IGFN1: variants seen among roughly 807,000 people sequenced by gnomAD.
The protein encoded by IGFN1 is immunoglobulin-like and fibronectin type III domain-containing protein 1.
In IGFN1, 253 loss-of-function variants were observed where a neutral mutation model predicts 289.5. The observed-to-expected ratio is 0.87, with a 90% CI of 0.79 to 0.97. The LOEUF (loss-of-function observed/expected upper bound fraction) is 0.97, where lower values mean the gene tolerates loss of function less well. IGFN1 is among the 50% of genes least tolerant of loss of function. The pLI, the probability that IGFN1 is intolerant of heterozygous loss-of-function variation, is 0.00. For missense variants in IGFN1, 4,470 were observed against 4,686.1 expected, an observed-to-expected ratio of 0.95 and a Z score of 1.35; for synonymous variants, 1,706 against 1,788.5, an observed-to-expected ratio of 0.95 and a Z score of 1.16.
chr1:201,201,033 GTGTTAGCCAGGATGATC>G (rs1667129228), intron 8 of IGFN1, among the ~76,000 whole-genome samples: 1 of 151,892 alleles, frequency 6.6e-6, no homozygotes, highest in Non-Finnish European at 1.5e-5. Flanking sequence ...GGGTTTCACC[GTGTTAGCCAGGATGATC>G]TCGATCTCCT....
At position 201,216,707 on chromosome 1, in the gene IGFN1, G is replaced by T. The variant is rs1266726582; in HGVS notation, c.9549G>T (p.Gly3183=). ...GAGTGCGGGCTGTGACCTCAGAGGG[G>T]GCTGGCGAGGCCCTGGAGTCTGAGG... ...TFRVRAVTSE[G]AGEALESEEI... The change falls in exon 16 of 24, where the codon GGG becomes GGT. Residue 3183 remains glycine (G), a synonymous_variant. Coordinates refer to ENST00000335211, the MANE Select transcript of IGFN1 (RefSeq NM_001164586.2). 1 of 1,613,568 alleles carries T rather than the reference G, an allele frequency of 6.2e-7. No homozygotes were observed. Among genetic ancestry groups the T allele is most frequent in the Admixed American group, 1.7e-5 (1 of 59,984 alleles).
In IGFN1 at chr1:201,215,731, C is replaced by T. The variant is rs775538055; in HGVS notation, c.9188C>T (p.Thr3063Met). 36 of 1,611,444 alleles carry T rather than the reference C, an allele frequency of 2.2e-5. No individual in the cohort carries two copies. The highest frequency in any genetic ancestry group is 1.6e-4 in the Middle Eastern group (1 of 6,070). Reference sequence around the variant, plus strand: ...CAGGTGGACCTGGGGGATGGCTACACGCGGCTGTGCCTCCCCAGCGCAGGC... The same window carrying T: ...CAGGTGGACCTGGGGGATGGCTACATGCGGCTGTGCCTCCCCAGCGCAGGC... ...EAQVDLGDGY[T>M]RLCLPSAGRK... The change falls in exon 15 of 24, where the codon ACG (threonine) becomes ATG (methionine). Residue 3063 changes from threonine to methionine, a missense_variant. Coordinates refer to ENST00000335211, the MANE Select transcript of IGFN1 (RefSeq NM_001164586.2).
At position 201,209,056 on chromosome 1, in the gene IGFN1, T is replaced by TG; in HGVS notation, c.4166dup (p.Ala1390CysfsTer18). On this transcript the variant is annotated frameshift_variant, in exon 12 of 24. Coordinates refer to ENST00000335211, the MANE Select transcript of IGFN1 (RefSeq NM_001164586.2). LOFTEE classifies it high-confidence loss of function. ...AAAGATTTGGGGGTTCCTGAGGGAA[T>TG]GGGTGCAGGTTACAGGGCTGGTTTA... The TG allele has an allele frequency of 6.5e-7, 1 of 1,535,452 alleles. No homozygotes were observed. The highest frequency in any genetic ancestry group is 2.5e-5 in the East Asian group (1 of 40,768).
Position 201,215,830 on chromosome 1 carries a change from A to C in IGFN1, c.9287A>C (p.Gln3096Pro). The stretch of plus-strand genomic sequence containing the variant: ...TCTGTGCAGGCCGAGCTCACTCTGC[A>C]AGTCATAGGTACCAGCCCTGTCTTC... Reference protein sequence around the residue: ...GGSVQAELTLQVIDKPDPPQG... With the variant: ...GGSVQAELTLPVIDKPDPPQG... The change falls in exon 15 of 24, where the codon CAA (glutamine) becomes CCA (proline). Residue 3096 changes from glutamine to proline, a missense_variant. Gln to Pro is a moderately conservative substitution (Grantham distance 76). This residue lies in a region of IGFN1 where 2,218 missense variants were observed against 2,114.1 expected (regional missense o/e 1.05). Coordinates refer to ENST00000335211, the MANE Select transcript of IGFN1 (RefSeq NM_001164586.2). The C allele has an allele frequency of 6.2e-7, 1 of 1,600,436 alleles. No individual in the cohort carries two copies.
chr1:201,206,507 A>G lies in IGFN1; in HGVS notation c.1614A>G (p.Lys538=), dbSNP rs1402481264. The G allele has an allele frequency of 3.9e-6, 6 of 1,551,324 alleles. No homozygotes were observed. Among genetic ancestry groups the G allele is most frequent in the Non-Finnish European group, 5.2e-6 (6 of 1,146,982 alleles). ...SSESGLGLPE[K]QQQDRGRDSN... ...AATCAGGGTTGGGCCTCCCAGAAAA[A>G]CAACAGCAAGATCGTGGCAGAGACA... Residue 538 remains lysine, a synonymous_variant, in exon 12 of 24, where the codon AAA becomes AAG. Transcript: ENST00000335211.
In IGFN1 at chr1:201,205,344, G is replaced by A; in HGVS notation, c.1179G>A (p.Leu393=). 1.3e-6 allele frequency: 2 copies of A among 1,533,164 alleles called. No individual in the cohort carries two copies. Among genetic ancestry groups the A allele is most frequent in the Non-Finnish European group, 1.8e-6 (2 of 1,134,794 alleles). 95.0% of individuals were successfully genotyped at this position (1,533,164 alleles called of 1,614,324 possible). Residue 393 remains leucine, a synonymous_variant, in exon 11 of 24, where the codon CTG becomes CTA. Transcript: ENST00000335211. ...GGCTCTACACTTCCAGCGCCTGGCTGGTGGTTGAAGGTGAGTGCTTCAAAA... is the reference window on the plus strand; with the variant it reads ...GGCTCTACACTTCCAGCGCCTGGCTAGTGGTTGAAGGTGAGTGCTTCAAAA... The part of the protein sequence containing the change: ...GTGLYTSSAW[L]VVEAGKDKDL...
rs1198704141 is a variant in IGFN1 at position 201,213,237 on chromosome 1, G to C, written c.8344G>C (p.Glu2782Gln). Reference sequence around the variant, plus strand: ...GTCCCTCGGGGAGCAGGGGTCCCTGGAGGCTGAGAATGGTGAGGTCCAGGG... The same window carrying C: ...GTCCCTCGGGGAGCAGGGGTCCCTGCAGGCTGAGAATGGTGAGGTCCAGGG... The part of the protein sequence containing the change: ...KRSLGEQGSL[E>Q]AENGEVQGPG... Residue 2782 changes from glutamate to glutamine, a missense_variant, in exon 12 of 24, where the codon GAG (glutamate) becomes CAG (glutamine). Transcript: ENST00000335211. 1.9e-6 allele frequency: 3 copies of C among 1,551,826 alleles called. No individual in the cohort carries two copies. The highest frequency in any genetic ancestry group is 1.7e-6 in the Non-Finnish European group (2 of 1,147,022).
At position 201,208,249 on chromosome 1, in the gene IGFN1, G is replaced by T; in HGVS notation, c.3356G>T (p.Gly1119Val). 1 of 1,536,282 alleles carries T rather than the reference G, an allele frequency of 6.5e-7. No homozygotes were observed. The highest frequency in any genetic ancestry group is 8.7e-7 in the Non-Finnish European group (1 of 1,146,748). The change falls in exon 12 of 24, where the codon GGT (glycine) becomes GTT (valine). Residue 1119 changes from glycine (G) to valine (V), a missense_variant. This residue lies in a region of IGFN1 where 2,011 missense variants were observed against 1,953.4 expected (regional missense o/e 1.03). Transcript: ENST00000335211. ...PESSGRIRPW[G>V]QTGNYGGFRA... ...AGCTCTGGAAGAATAAGGCCTTGGG[G>T]TCAGACTGGAAATTATGGGGGCTTC...
Position 201,222,803 on chromosome 1 carries a change from A to T in IGFN1, c.10266A>T (p.Thr3422=), listed in dbSNP as rs1356166293. The stretch of plus-strand genomic sequence containing the variant: ...TGCTGACAGTCAAGGTCGGGGACAC[A>T]GTTCGTGTGCCCGTCTCCTTTGAAG... ...KDLLTVKVGD[T]VRVPVSFEAM... The change falls in exon 20 of 24, where the codon ACA becomes ACT. Residue 3422 remains threonine (T), a synonymous_variant. Coordinates refer to ENST00000335211, the MANE Select transcript of IGFN1 (RefSeq NM_001164586.2). The T allele has an allele frequency of 6.2e-7, 1 of 1,612,990 alleles. No individual in the cohort carries two copies. Among genetic ancestry groups the T allele is most frequent in the Non-Finnish European group, 8.5e-7 (1 of 1,179,248 alleles).
chr1:201,195,047 T>G (rs1666837263), intron 3 of IGFN1, among the ~76,000 whole-genome samples: 1 of 152,108 alleles, frequency 6.6e-6, no homozygotes, highest in Admixed American at 6.5e-5. Flanking sequence ...CTGAAGCCTG[T>G]GTCTCAGCAC....
At chr1:201,202,755 T>TCCCTC (rs1667223606) in intron 9 of IGFN1, among the ~76,000 whole-genome samples, 1 of 104,258 alleles carries the variant, frequency 9.6e-6, no homozygotes, top group Non-Finnish European at 1.9e-5. Flanking sequence ...CTCCCTCCCT[T>TCCCTC]CCTTCCTTCC....
intron 18 of IGFN1, among the ~76,000 whole-genome samples, chr1:201,219,375 A>G (rs1171494119): frequency 6.6e-6 from 1 of 152,242 alleles, no homozygotes; most frequent in East Asian, 1.9e-4. Context: ...TGGTCTTGGG[A>G]ACATGGAGTG....
chr1:201,196,051 G>T, intron 4 of IGFN1, 73 bp downstream of exon 4: 1 of 1,448,074 alleles, frequency 6.9e-7, no homozygotes. Flanking sequence ...CTCTTTGGCA[G>T]CCTCCAATCC....
chr1:201,201,924 A>G (rs1667182866), intron 9 of IGFN1, 92 bp downstream of exon 9: 2 of 698,790 alleles, frequency 2.9e-6, no homozygotes, highest in Non-Finnish European at 2.6e-6. Flanking sequence ...CATTCCTCCA[A>G]GGGAACAACC....
At position 201,200,416 on chromosome 1, in the gene IGFN1, C is replaced by T; in HGVS notation, c.633+5C>T. On this transcript the variant is annotated splice_donor_5th_base_variant and intron_variant, in intron 8 of 23. Transcript: ENST00000335211. ...CAGGAGGACAAGATGGCACAGGTGC[C>T]TCACCCCATTCCCACCCCTCACTCC... 5.8e-6 allele frequency: 9 copies of T among 1,550,518 alleles called. No individual in the cohort carries two copies. Among genetic ancestry groups the T allele is most frequent in the Non-Finnish European group, 7.9e-6 (9 of 1,146,174 alleles).
Position 201,228,533 on chromosome 1 carries a change from C to A in IGFN1, c.*134C>A, listed in dbSNP as rs151162050. Reference sequence around the variant, plus strand: ...AAAATGGGAGTGAGAAGATGCCTGGCGAGGTTTTGGCCAGGAGGACGTGAA... The same window carrying A: ...AAAATGGGAGTGAGAAGATGCCTGGAGAGGTTTTGGCCAGGAGGACGTGAA... On this transcript the variant is annotated 3_prime_UTR_variant, in exon 24 of 24. Coordinates refer to ENST00000335211, the MANE Select transcript of IGFN1 (RefSeq NM_001164586.2). The A allele has an allele frequency of 4.3e-5, 43 of 1,008,814 alleles. 1 individual carries two copies. In the Middle Eastern group the frequency reaches 1.9e-3, roughly 44 times the overall value. The allele number at this position is 1,008,814 out of a possible 1,614,324, so 62.5% of individuals were successfully genotyped here.
intron 21 of IGFN1, 68 bp downstream of exon 21, chr1:201,224,942 C>A: frequency 8.3e-7 from 1 of 1,198,828 alleles, no homozygotes; most frequent in Non-Finnish European, 1.2e-6. Flanking sequence ...GAGGTGTCCA[C>A]TGGTCTGATC....
chr1:201,199,409 G>T, intron 6 of IGFN1, 31 bp downstream of exon 6: 1 of 1,546,390 alleles, frequency 6.5e-7, no homozygotes, highest in Non-Finnish European at 8.8e-7. Flanking sequence ...CCTCCTTGGG[G>T]GCCTGTGGGG....
intron 7 of IGFN1, 144 bp downstream of exon 7, chr1:201,199,798 G>C: frequency 1.5e-6 from 1 of 672,708 alleles, no homozygotes; most frequent in South Asian, 2.0e-5. Flanking sequence ...GGGAGGATGG[G>C]AAGGGGACTG....
Sources: gnomAD v4.1 joint callset for allele counts (sites outside exome capture counted in the v4.1 genomes callset) on GRCh38, gnomAD v4.1.1 for gene constraint, gnomAD v4.1.1 regional missense constraint, MANE v1.5 for transcripts, NCBI Gene and HGNC (gene_info 2026-07-23, HGNC 2026-07-21) for gene names.